The following SH3BGR variants were observed in gnomAD, a reference collection of about 807,000 sequenced individuals.
SH3BGR encodes the protein SH3 domain binding glutamate rich protein.
Under a neutral mutation model 24.5 loss-of-function variants are expected in SH3BGR, and 29 were observed. The ratio of observed to expected loss-of-function variants is 1.18; its 90% CI spans 0.88 to 1.61. The LOEUF is 1.61. Among genes scored for constraint, SH3BGR ranks in the 40% most tolerant of loss-of-function variants. The pLI, the probability that SH3BGR is intolerant of heterozygous loss-of-function variation, is 0.00. For synonymous variants in SH3BGR, 55 were observed against 65.7 expected (o/e 0.84, Z 0.79); for missense variants, 162 against 205.8 (o/e 0.79, Z 1.30).
At chr21:39,488,675 G>T in intron 3 of SH3BGR, 1 of 385,554 alleles carries the variant, frequency 2.6e-6, no homozygotes, top group South Asian at 2.4e-5. Flanking sequence ...GCTGAAATCC[G>T]GCAAGTCCTT....
chr21:39,476,428 G>A (rs369937898), intron 3 of SH3BGR, among the ~76,000 whole-genome samples: 9 of 152,318 alleles, frequency 5.9e-5, no homozygotes, highest in East Asian at 5.8e-4. Flanking sequence ...AGTGGTCTAA[G>A]GAGGGCTGGT....
At chr21:39,472,895 T>A (rs2123374003) in intron 2 of SH3BGR, among the ~76,000 whole-genome samples, 1 of 152,294 alleles carries the variant, frequency 6.6e-6, no homozygotes, top group East Asian at 1.9e-4. Flanking sequence ...GTGTCATGTG[T>A]GTGTCAGAAA....
intron 3 of SH3BGR, among the ~76,000 whole-genome samples, chr21:39,494,182 A>G (rs543033779): frequency 6.6e-6 from 1 of 151,862 alleles, no homozygotes; most frequent in East Asian, 1.9e-4. Context: ...TCACATTTCC[A>G]TATACCATTA....
At chr21:39,481,475 C>G (rs2078129858) in intron 3 of SH3BGR, among the ~76,000 whole-genome samples, 1 of 152,200 alleles carries the variant, frequency 6.6e-6, no homozygotes, top group Non-Finnish European at 1.5e-5. Context: ...GTAGATTGCT[C>G]CAGGTCACAA....
At chr21:39,494,349 C>A (rs1315208860) in intron 3 of SH3BGR, among the ~76,000 whole-genome samples, 1 of 150,942 alleles carries the variant, frequency 6.6e-6, no homozygotes, top group African/African-American at 2.4e-5. Context: ...GTGTCATTTT[C>A]TTTCAGCCCA....
Position 39,511,568 on chromosome 21 carries a change from G to T in SH3BGR, c.436-112G>T. The T allele has an allele frequency of 1.1e-6, 1 of 911,272 alleles. No individual in the cohort carries two copies. Among genetic ancestry groups the T allele is most frequent in the Non-Finnish European group, 1.7e-6 (1 of 593,296 alleles). The allele number at this position is 911,272 out of a possible 1,614,324, so 56.4% of individuals were successfully genotyped here. On this transcript the variant is annotated intron_variant, in intron 5 of 6. Coordinates refer to ENST00000333634, the MANE Select transcript of SH3BGR (RefSeq NM_007341.3). The surrounding 1 kb of genome is among the most constrained non-coding windows in gnomAD (Gnocchi z 4.2). Reference sequence around the variant, plus strand: ...TTGTGTGTGTTTGTTTGTGTGTTGTGTGGTGGGGTGTGGGAGGCTTTGACC... The same window carrying T: ...TTGTGTGTGTTTGTTTGTGTGTTGTTTGGTGGGGTGTGGGAGGCTTTGACC...
At chr21:39,469,452 C>A (rs952838723) in intron 2 of SH3BGR, among the ~76,000 whole-genome samples, 1 of 151,264 alleles carries the variant, frequency 6.6e-6, no homozygotes, top group African/African-American at 2.4e-5. Context: ...AATTTCTGCC[C>A]TTGCCTGTAT....
upstream of SH3BGR, among the ~76,000 whole-genome samples, chr21:39,448,555 G>A (rs962956927): frequency 6.6e-5 from 10 of 152,038 alleles, no homozygotes; most frequent in African/African-American, 2.4e-4. Flanking sequence ...CCTAAAATGA[G>A]ATGCACCAAA....
chr21:39,495,473 T>C (rs2078377264), intron 3 of SH3BGR, among the ~76,000 whole-genome samples: 1 of 149,462 alleles, frequency 6.7e-6, no homozygotes, highest in South Asian at 2.1e-4. Flanking sequence ...AATCAGAGGG[T>C]AAAAGTCTCT....
upstream of SH3BGR, chr21:39,445,896 A>C (rs1015577756): frequency 6.6e-6 from 1 of 152,138 alleles, no homozygotes; most frequent in Non-Finnish European, 1.5e-5. Context: ...CCTGGAGGTC[A>C]GTGTGGCCTC....
intron 2 of SH3BGR, among the ~76,000 whole-genome samples, chr21:39,464,350 G>A (rs1482994590): frequency 6.6e-6 from 1 of 152,168 alleles, no homozygotes; most frequent in Non-Finnish European, 1.5e-5. Flanking sequence ...AGCCTCTTGA[G>A]TAGCTGAGAT....
rs552269127 is a variant in SH3BGR, at chr21:39,509,466, T to C, written c.435+439T>C. ...TTGAACATCTTTGAATTAATCACTTTTATTGTTTTTTTTTTTTTTTTTTTT... is the reference window on the plus strand; with the variant it reads ...TTGAACATCTTTGAATTAATCACTTCTATTGTTTTTTTTTTTTTTTTTTTT... On this transcript the variant is annotated intron_variant, in intron 5 of 6. Transcript: ENST00000333634. Among the ~76,000 whole-genome samples the C allele has an allele frequency of 4.7e-4, 69 of 146,620 alleles. 1 individual carries two copies. The Admixed American group carries it at 5.1e-3, about 11-fold the overall frequency.
rs893738180 is a variant in SH3BGR at position 39,475,047 on chromosome 21, G to T, written c.232-88G>T. 3.8e-6 allele frequency: 3 copies of T among 790,474 alleles called. No homozygotes were observed. The South Asian group carries it at 5.2e-5, about 14-fold the overall frequency. 49.0% of individuals were successfully genotyped at this position (790,474 alleles called of 1,614,324 possible). ...TTTTTGTGTGAGCTCCTAACTTAAG[G>T]ACTAAGAAATACAAAAGATCAGTTT... On this transcript the variant is annotated intron_variant, in intron 2 of 6. Transcript: ENST00000333634.
intron 5 of SH3BGR, 79 bp downstream of exon 5, chr21:39,509,106 G>C: frequency 1.7e-6 from 2 of 1,173,718 alleles, no homozygotes; most frequent in South Asian, 2.7e-5. Flanking sequence ...TGCAGCTTGA[G>C]GCACGTTCTT....
intron 3 of SH3BGR, among the ~76,000 whole-genome samples, chr21:39,493,546 C>G (rs1280076857): frequency 6.6e-6 from 1 of 152,094 alleles, no homozygotes; most frequent in Non-Finnish European, 1.5e-5. Flanking sequence ...AATCAGGTAA[C>G]ATGATGCCTC....
chr21:39,500,557 A>G (rs542709935), intron 4 of SH3BGR, among the ~76,000 whole-genome samples: 1 of 152,200 alleles, frequency 6.6e-6, no homozygotes, highest in African/African-American at 2.4e-5. Flanking sequence ...CACTTCTTCA[A>G]GGAGTTCTGA....
chr21:39,488,480 G>A (rs947558031), intron 3 of SH3BGR: 1 of 278,470 alleles, frequency 3.6e-6, no homozygotes, highest in Non-Finnish European at 6.8e-6. Flanking sequence ...CCAGGTCCTG[G>A]GGGAACCTCA....
At chr21:39,473,634 C>T (rs969983759) in intron 2 of SH3BGR, among the ~76,000 whole-genome samples, 1 of 152,050 alleles carries the variant, frequency 6.6e-6, no homozygotes, top group Non-Finnish European at 1.5e-5. Context: ...CCTGTAATCC[C>T]AGCACTTTGG....
chr21:39,446,336 G>C (rs1460669939), intron 1 of SH3BGR, among the ~76,000 whole-genome samples: 1 of 152,202 alleles, frequency 6.6e-6, no homozygotes, highest in Non-Finnish European at 1.5e-5. Flanking sequence ...AATTTAGGAA[G>C]ACTTACATTG....
Sources: allele counts gnomAD v4.1 joint callset (sites outside exome capture counted in the v4.1 genomes callset), GRCh38; gene constraint gnomAD v4.1.1; non-coding constraint Gnocchi (gnomAD v3.1); transcripts MANE v1.5; gene names NCBI Gene and HGNC (gene_info 2026-07-23, HGNC 2026-07-21).